Variants in FBXO25 observed in about 807,000 individuals in gnomAD.
FBXO25 encodes the protein F-box only protein 25.
Under a neutral mutation model 51.9 loss-of-function variants are expected in FBXO25, and 45 were observed. The ratio of observed to expected loss-of-function variants is 0.87; its 90% CI spans 0.68 to 1.11. The LOEUF (loss-of-function observed/expected upper bound fraction) is 1.11. FBXO25 is among the 50% of genes most tolerant of loss of function. FBXO25 has a pLI of 0.00. For missense variants in FBXO25, 507 were observed against 428.5 expected, an observed-to-expected ratio of 1.18 and a Z score of -1.62; for synonymous variants, 199 against 151.0, an observed-to-expected ratio of 1.32 and a Z score of -2.33.
At chr8:460,065 A>G (rs1014982377) in intron 8 of FBXO25, among the ~76,000 whole-genome samples, 1 of 152,032 alleles carries the variant, frequency 6.6e-6, no homozygotes, top group Non-Finnish European at 1.5e-5. Context: ...TGTGTGGAGG[A>G]TTTAGATCCT....
Position 474,592 on chromosome 8 carries a change from C to T in FBXO25, c.*5788C>T, listed in dbSNP as rs1247342921. ...CATCCTAATGAGTGTGAAGTGGTAT[C>T]CTGCTGAGATTTTGATTTGCATTTC... On this transcript the variant is annotated 3_prime_UTR_variant, in exon 10 of 10. Coordinates refer to ENST00000350302, the MANE Select transcript of FBXO25 (RefSeq NM_183420.2). 1 of 389,164 alleles carries T rather than the reference C, an allele frequency of 2.6e-6. No homozygotes were observed. Among genetic ancestry groups the T allele is most frequent in the Non-Finnish European group, 5.0e-6 (1 of 200,100 alleles). 24.1% of individuals were successfully genotyped at this position (389,164 alleles called of 1,614,324 possible).
chr8:423,728 ATTG>A (rs1245069709), intron 2 of FBXO25, among the ~76,000 whole-genome samples: 7 of 152,248 alleles, frequency 4.6e-5, no homozygotes, highest in Non-Finnish European at 5.9e-5. Flanking sequence ...TGTCTTTACT[ATTG>A]TTAATAGTGC....
At position 469,549 on chromosome 8, in the gene FBXO25, TAATA is replaced by T. The variant is rs1209483534; in HGVS notation, c.*749_*752del. ...GTTGAAACTACTTTAATAGACAAAG[TAATA>T]AATCATGTTTATCTATTGATTTAAA... On this transcript the variant is annotated 3_prime_UTR_variant, in exon 10 of 10. Transcript: ENST00000350302. 6.6e-6 allele frequency: 1 copy of T among 152,242 alleles called. No homozygotes were observed. The highest frequency in any genetic ancestry group is 2.4e-5 in the African/African-American group (1 of 41,476). 9.4% of individuals were successfully genotyped at this position (152,242 alleles called of 1,614,324 possible). A position where few individuals can be genotyped will look rare whatever the true frequency, so the allele number is the denominator to read the frequency against.
chr8:449,411 T>G (rs775040549), intron 5 of FBXO25, among the ~76,000 whole-genome samples: 1 of 152,244 alleles, frequency 6.6e-6, no homozygotes, highest in Non-Finnish European at 1.5e-5. Context: ...TTACTGTGGC[T>G]TCCCAGAATA....
At chr8:423,537 CAT>C (rs2049414040) in intron 2 of FBXO25, among the ~76,000 whole-genome samples, 1 of 151,974 alleles carries the variant, frequency 6.6e-6, no homozygotes, top group Non-Finnish European at 1.5e-5. Flanking sequence ...TAAGTGAGAA[CAT>C]GTGGTATTTG....
In FBXO25 at chr8:446,261, C is replaced by T. The variant is rs370808131; in HGVS notation, c.382-3729C>T. On this transcript the variant is annotated intron_variant, in intron 5 of 9. Transcript: ENST00000350302. ...AACCGTGGTGGTAGAACTCTCTCTCCCAGACTCACTCTGCCCTGACCCCTC... is the reference window on the plus strand; with the variant it reads ...AACCGTGGTGGTAGAACTCTCTCTCTCAGACTCACTCTGCCCTGACCCCTC... 8.3e-3 allele frequency among the ~76,000 whole-genome samples: 1,267 copies of T among 152,164 alleles called. 12 individuals are homozygous for T. Among genetic ancestry groups the T allele is most frequent in the African/African-American group, 0.029 (1,202 of 41,498 alleles).
intron 2 of FBXO25, among the ~76,000 whole-genome samples, chr8:421,567 C>G (rs901719366): frequency 6.6e-5 from 10 of 152,150 alleles, no homozygotes; most frequent in African/African-American, 2.4e-4. Context: ...GGTTCTGGAT[C>G]AGGGTTGGAG....
At chr8:467,102 G>T (rs1384748902) in intron 9 of FBXO25, among the ~76,000 whole-genome samples, 1 of 152,180 alleles carries the variant, frequency 6.6e-6, no homozygotes, top group Admixed American at 6.5e-5. Flanking sequence ...TGGTCTGGTG[G>T]TCCTGGTCTT....
chr8:443,005 T>C (rs1281932867), intron 5 of FBXO25, among the ~76,000 whole-genome samples: 1 of 152,072 alleles, frequency 6.6e-6, no homozygotes. Context: ...ACAGATTTGT[T>C]AAAGAAGGTC....
At chr8:411,966 A>T (rs1446637815) in intron 1 of FBXO25, among the ~76,000 whole-genome samples, 3 of 152,190 alleles carry the variant, frequency 2.0e-5, no homozygotes, top group Admixed American at 2.0e-4. Context: ...AGATGGGACT[A>T]AGCACTTGAA....
At chr8:450,253 G>C (rs1457594998) in intron 6 of FBXO25, among the ~76,000 whole-genome samples, 170 bp downstream of exon 6, 1 of 152,164 alleles carries the variant, frequency 6.6e-6, no homozygotes. Flanking sequence ...CCAGTGTTCT[G>C]TTACTGCCGT....
chr8:424,193 A>G (rs573344625), intron 2 of FBXO25, among the ~76,000 whole-genome samples: 4 of 139,000 alleles, frequency 2.9e-5, no homozygotes, highest in South Asian at 4.6e-4. Flanking sequence ...ATTTCCGCTC[A>G]CTCCTTTGCC....
intron 8 of FBXO25, among the ~76,000 whole-genome samples, chr8:462,799 C>T (rs1260591405): frequency 6.6e-6 from 1 of 152,112 alleles, no homozygotes; most frequent in Non-Finnish European, 1.5e-5. Context: ...TGGGTCACTG[C>T]ATACTTCTCC....
intron 7 of FBXO25, among the ~76,000 whole-genome samples, chr8:454,397 G>C (rs76157534): frequency 0.013 from 1,965 of 152,308 alleles, 34 homozygotes; most frequent in African/African-American, 0.044. Flanking sequence ...GCACTTCCTA[G>C]ATGCCCCCAT....
In FBXO25 at chr8:458,346, T is replaced by G. The variant is rs180811520; in HGVS notation, c.661-23T>G. On this transcript the variant is annotated intron_variant, in intron 7 of 9. Coordinates refer to ENST00000350302, the MANE Select transcript of FBXO25 (RefSeq NM_183420.2). ...AAACATTGGCCATCTTCTCAGTGAG[T>G]TGCTGTTGTGTTTTCCTTTCAGCAA... The G allele has an allele frequency of 7.5e-5, 120 of 1,607,874 alleles. 1 individual carries two copies. The Middle Eastern group carries it at 8.9e-4, about 12-fold the overall frequency.
rs779410348 is a variant in FBXO25 at position 474,775 on chromosome 8, T to G, written c.*5971T>G. ...TTCAGATATATCATTTTAAAATACT[T>G]TGTCCCATTCCGTGGATTGCCTTTC... On this transcript the variant is annotated 3_prime_UTR_variant, in exon 10 of 10. Coordinates refer to ENST00000350302, the MANE Select transcript of FBXO25 (RefSeq NM_183420.2). 2 of 456,664 alleles carry G rather than the reference T, an allele frequency of 4.4e-6. No individual in the cohort carries two copies. The highest frequency in any genetic ancestry group is 1.5e-5 in the South Asian group (1 of 64,548). 28.3% of individuals were successfully genotyped at this position (456,664 alleles called of 1,614,324 possible). A position where few individuals can be genotyped will look rare whatever the true frequency, so the allele number is the denominator to read the frequency against.
At chr8:457,999 G>C (rs1352382622) in intron 7 of FBXO25, among the ~76,000 whole-genome samples, 1 of 152,230 alleles carries the variant, frequency 6.6e-6, no homozygotes, top group Admixed American at 6.5e-5. Flanking sequence ...CCCTCATGGT[G>C]CATTGGATTC....
At chr8:416,715 T>A (rs1446004637) in intron 2 of FBXO25, among the ~76,000 whole-genome samples, 2 of 152,232 alleles carry the variant, frequency 1.3e-5, no homozygotes, top group African/African-American at 4.8e-5. Context: ...GTCTCTGGTC[T>A]TATTATTACA....
chr8:419,611 G>T (rs1333514768), intron 2 of FBXO25, among the ~76,000 whole-genome samples: 1 of 152,074 alleles, frequency 6.6e-6, no homozygotes, highest in Non-Finnish European at 1.5e-5. Flanking sequence ...ATGTGTATAT[G>T]CAAAAATAAA....
Sources: allele counts gnomAD v4.1 joint callset (sites outside exome capture counted in the v4.1 genomes callset), GRCh38; gene constraint gnomAD v4.1.1; transcripts MANE v1.5; gene names NCBI Gene and HGNC (gene_info 2026-07-23, HGNC 2026-07-21).